The following PDCD11 variants were observed in gnomAD, a reference collection of about 807,000 sequenced individuals.
PDCD11 encodes the protein programmed cell death 11.
In PDCD11, 97 loss-of-function variants were observed where a neutral mutation model predicts 198.9. That is an observed-to-expected ratio of 0.49 (90% CI 0.41 to 0.58). The LOEUF (loss-of-function observed/expected upper bound fraction) is 0.58. Ranked by LOEUF, PDCD11 falls within the 20% of genes least tolerant of loss-of-function variation. The pLI is 0.00. For synonymous variants in PDCD11, 893 were observed against 918.0 expected, an observed-to-expected ratio of 0.97 and a Z score of 0.49; for missense variants, 2,102 against 2,312.7, an observed-to-expected ratio of 0.91 and a Z score of 1.87.
At chr10:103,399,013 C>CA (rs1483323802) in intron 2 of PDCD11, among the ~76,000 whole-genome samples, 2 of 150,392 alleles carry the variant, frequency 1.3e-5, no homozygotes, top group Admixed American at 6.6e-5. Context: ...GACTCTGTCT[C>CA]AAAAAACACA....
intron 16 of PDCD11, among the ~76,000 whole-genome samples, chr10:103,420,847 G>T (rs963314048): frequency 2.7e-5 from 4 of 150,866 alleles, no homozygotes; most frequent in Admixed American, 6.6e-5. Flanking sequence ...TGGAGGCTCT[G>T]TTTTTTTTGT....
At chr10:103,441,607 TTTG>T (rs2032386647) in intron 30 of PDCD11, among the ~76,000 whole-genome samples, 1 of 152,198 alleles carries the variant, frequency 6.6e-6, no homozygotes, top group Non-Finnish European at 1.5e-5. Flanking sequence ...GTGTGAAAAT[TTTG>T]TTATCTAAAT....
intron 33 of PDCD11, 148 bp downstream of exon 33, chr10:103,443,481 C>A: frequency 1.6e-6 from 1 of 623,424 alleles, no homozygotes; most frequent in South Asian, 2.2e-5. Flanking sequence ...TAAAAGAAGT[C>A]ATTTCCCTCA....
At position 103,419,517 on chromosome 10, in the gene PDCD11, T is replaced by G. The variant is rs745554380; in HGVS notation, c.2107-21T>G. Reference sequence around the variant, plus strand: ...ATTTCATCTGCCCTTTCTGGAACATTCCTTGATGAAGTACCACTAGCTTCT... The same window carrying G: ...ATTTCATCTGCCCTTTCTGGAACATGCCTTGATGAAGTACCACTAGCTTCT... On this transcript the variant is annotated intron_variant, in intron 15 of 35. Coordinates refer to ENST00000369797, the MANE Select transcript of PDCD11 (RefSeq NM_014976.2). The G allele has an allele frequency of 1.5e-5, 24 of 1,607,988 alleles. 1 individual carries two copies. Among genetic ancestry groups the G allele is most frequent in the Non-Finnish European group, 2.0e-5 (23 of 1,177,010 alleles).
In PDCD11 at chr10:103,445,434, T is replaced by C. The variant is rs769017058; in HGVS notation, c.5501T>C (p.Phe1834Ser). Residue 1834 changes from phenylalanine to serine, a missense_variant, in exon 36 of 36, where the codon TTC becomes TCC. Phe to Ser is a radical substitution (Grantham distance 155). Coordinates refer to ENST00000369797, the MANE Select transcript of PDCD11 (RefSeq NM_014976.2). The part of the protein sequence containing the change: ...LSLAPKRMKF[F>S]FKRYLDYEKQ... ...TTGGCCCCCAAGAGAATGAAGTTCT[T>C]CTTCAAGCGCTACCTGGACTACGAG... is the stretch of plus-strand genomic sequence containing the variant. 2 of 1,614,180 alleles carry C rather than the reference T, an allele frequency of 1.2e-6. No homozygotes were observed. Among genetic ancestry groups the C allele is most frequent in the Non-Finnish European group, 1.7e-6 (2 of 1,180,038 alleles).
At chr10:103,437,031 A>AAC (rs1239443655) in intron 25 of PDCD11, among the ~76,000 whole-genome samples, 1 of 152,240 alleles carries the variant, frequency 6.6e-6, no homozygotes, top group African/African-American at 2.4e-5. Flanking sequence ...TCCTGGGGTT[A>AAC]GTGTGTCTCT....
In PDCD11 at chr10:103,416,572, A is replaced by G; in HGVS notation, c.1600A>G (p.Thr534Ala). The G allele has an allele frequency of 1.2e-6, 2 of 1,614,190 alleles. No homozygotes were observed. The highest frequency in any genetic ancestry group is 1.7e-6 in the Non-Finnish European group (2 of 1,180,032). Residue 534 changes from threonine to alanine, a missense_variant, in exon 13 of 36, where the codon ACC becomes GCC. Coordinates refer to ENST00000369797, the MANE Select transcript of PDCD11 (RefSeq NM_014976.2). ...TLIESKLPVI[T>A]CYADAKPGLQ... ...GATTGAGTCCAAACTACCTGTCATT[A>G]CCTGCTATGCCGATGCCAAGCCTGG...
chr10:103,401,802 A>T (rs192928455), intron 3 of PDCD11, among the ~76,000 whole-genome samples: 244 of 151,256 alleles, frequency 1.6e-3, no homozygotes, highest in African/African-American at 5.1e-3. Context: ...CCGTGGTGCC[A>T]TCTCTGCTCT....
chr10:103,411,054 G>A (rs1254889029), intron 8 of PDCD11, among the ~76,000 whole-genome samples: 1 of 150,484 alleles, frequency 6.6e-6, no homozygotes, highest in East Asian at 2.0e-4. Flanking sequence ...CAGCCTGAGC[G>A]ACAGAGTGAG....
At chr10:103,424,571 T>C (rs1419421393) in intron 19 of PDCD11, among the ~76,000 whole-genome samples, 1 of 152,104 alleles carries the variant, frequency 6.6e-6, no homozygotes, top group Non-Finnish European at 1.5e-5. Context: ...ATTCATTGCT[T>C]GGGTTGAAGA....
At chr10:103,417,157 A>T (rs7089271) in intron 13 of PDCD11, among the ~76,000 whole-genome samples, 1 of 151,850 alleles carries the variant, frequency 6.6e-6, no homozygotes, top group Admixed American at 6.6e-5. Context: ...GGGGTACAAT[A>T]TGATATTTCT....
chr10:103,437,644 C>T (rs372190180), intron 25 of PDCD11, among the ~76,000 whole-genome samples: 7 of 152,246 alleles, frequency 4.6e-5, no homozygotes, highest in African/African-American at 1.2e-4. Context: ...CCCGCCACCA[C>T]GCCCGGCTAT....
Position 103,416,570 on chromosome 10 carries a change from T to C in PDCD11, c.1598T>C (p.Ile533Thr). 1 of 1,614,190 alleles carries C rather than the reference T, an allele frequency of 6.2e-7. No homozygotes were observed. The highest frequency in any genetic ancestry group is 8.5e-7 in the Non-Finnish European group (1 of 1,180,024). ...KTLIESKLPV[I>T]TCYADAKPGL... Reference sequence around the variant, plus strand: ...CTGATTGAGTCCAAACTACCTGTCATTACCTGCTATGCCGATGCCAAGCCT... The same window carrying C: ...CTGATTGAGTCCAAACTACCTGTCACTACCTGCTATGCCGATGCCAAGCCT... Residue 533 changes from isoleucine (I) to threonine (T), a missense_variant, in exon 13 of 36, where the codon ATT becomes ACT. Ile to Thr is a moderately conservative substitution (Grantham distance 89). Transcript: ENST00000369797.
intron 7 of PDCD11, among the ~76,000 whole-genome samples, chr10:103,409,420 A>G (rs796581079): frequency 6.6e-6 from 1 of 152,022 alleles, no homozygotes; most frequent in Non-Finnish European, 1.5e-5. Context: ...ATACATATAC[A>G]AAGCTTCTTC....
chr10:103,428,926 C>A (rs905990295), intron 21 of PDCD11, among the ~76,000 whole-genome samples: 3 of 152,192 alleles, frequency 2.0e-5, no homozygotes, highest in African/African-American at 7.2e-5. Context: ...CCACTTCCTC[C>A]ATGGACCTTT....
Position 103,444,695 on chromosome 10 carries a change from GCT to G in PDCD11, c.5444+14_5444+15del, listed in dbSNP as rs1452633857. 4.3e-6 allele frequency: 7 copies of G among 1,612,358 alleles called. No homozygotes were observed. The highest frequency in any genetic ancestry group is 1.7e-6 in the Non-Finnish European group (2 of 1,179,542). ...AGAAGGACGTCCGGTGAGTGGGGCA[GCT>G]GGCCAAGGCCGAGTTCCTCAGGAGA... On this transcript the variant is annotated intron_variant, in intron 35 of 35. Transcript: ENST00000369797.
rs1592128008 is a variant in PDCD11, at chr10:103,421,369, A to G, written c.2299A>G (p.Thr767Ala). ...TCAGATCATGAGTGACAAATTTGTGACCTCCACAAGTGACCACTTTGTTGA... is the reference window on the plus strand; with the variant it reads ...TCAGATCATGAGTGACAAATTTGTGGCCTCCACAAGTGACCACTTTGTTGA... ...PKAIMSDKFV[T>A]STSDHFVEGQ... is the part of the protein sequence containing the mutation. The change falls in exon 17 of 36, where the codon ACC becomes GCC. Residue 767 changes from threonine (T) to alanine (A), a missense_variant. Coordinates refer to ENST00000369797, the MANE Select transcript of PDCD11 (RefSeq NM_014976.2). The G allele has an allele frequency of 6.2e-7, 1 of 1,608,604 alleles. No homozygotes were observed. The highest frequency in any genetic ancestry group is 8.5e-7 in the Non-Finnish European group (1 of 1,177,422).
chr10:103,414,480 T>C, intron 11 of PDCD11, 150 bp downstream of exon 11: 1 of 621,106 alleles, frequency 1.6e-6, no homozygotes, highest in South Asian at 2.1e-5. Context: ...TTCTTTCTCT[T>C]TCTTTGGGTA....
At position 103,417,792 on chromosome 10, in the gene PDCD11, G is replaced by A; in HGVS notation, c.1771G>A (p.Val591Met). 6.2e-7 allele frequency: 1 copy of A among 1,613,272 alleles called. No individual in the cohort carries two copies. The highest frequency in any genetic ancestry group is 1.1e-5 in the South Asian group (1 of 91,026). The change falls in exon 14 of 36, where the codon GTG becomes ATG. Residue 591 changes from valine to methionine, a missense_variant and splice_region_variant. Val to Met is a conservative substitution (Grantham distance 21). Coordinates refer to ENST00000369797, the MANE Select transcript of PDCD11 (RefSeq NM_014976.2). ...DPERVFYTGQ[V>M]VKVVVLNCEP... The stretch of plus-strand genomic sequence containing the variant: ...CCAAGCCTGTGTGGTTTCTTGCCAG[G>A]TGGTGAAGGTTGTCGTATTGAACTG...
Sources: allele counts gnomAD v4.1 joint callset (sites outside exome capture counted in the v4.1 genomes callset), GRCh38; gene constraint gnomAD v4.1.1; transcripts MANE v1.5; gene names NCBI Gene and HGNC (gene_info 2026-07-23, HGNC 2026-07-21).